The following PTPRD variants were observed in gnomAD, a reference collection of about 807,000 sequenced individuals.
PTPRD encodes receptor-type tyrosine-protein phosphatase delta.
In PTPRD, 34 loss-of-function variants were observed where a neutral mutation model predicts 214.5. The ratio of observed to expected loss-of-function variants is 0.16; its 90% CI spans 0.12 to 0.21. The LOEUF (loss-of-function observed/expected upper bound fraction) is 0.21. Ranked by LOEUF, PTPRD falls within the 10% of genes least tolerant of loss-of-function variation. The probability of loss-of-function intolerance (pLI) is 1.00; values close to 1 mark genes in which losing one functional copy is unlikely to be tolerated. For missense variants in PTPRD, 2,545 were observed against 2,398.7 expected, an observed-to-expected ratio of 1.06 and a Z score of -1.27; for synonymous variants, 1,128 against 845.7, an observed-to-expected ratio of 1.33 and a Z score of -5.79.
chr9:8,977,575 A>T (rs1038100600), intron 11 of PTPRD, among the ~76,000 whole-genome samples: 5 of 151,818 alleles, frequency 3.3e-5, no homozygotes, highest in Non-Finnish European at 7.4e-5. Flanking sequence ...TGAACCCTCG[A>T]GGTTTTGTTT....
chr9:9,699,338 C>T (rs76216420), intron 7 of PTPRD, among the ~76,000 whole-genome samples: 18,290 of 151,994 alleles, frequency 0.12, 1,472 homozygotes, highest in Middle Eastern at 0.28. Context: ...AAATTACTAA[C>T]CACCATTATC....
chr9:8,909,226 A>G (rs1430499869), intron 11 of PTPRD, among the ~76,000 whole-genome samples: 2 of 152,068 alleles, frequency 1.3e-5, no homozygotes, highest in Non-Finnish European at 2.9e-5. Context: ...TCCTTCAGAA[A>G]ATAGAAGACA....
At chr9:9,198,428 A>G (rs1471928305) in intron 9 of PTPRD, among the ~76,000 whole-genome samples, 1 of 151,430 alleles carries the variant, frequency 6.6e-6, no homozygotes, top group African/African-American at 2.4e-5. Context: ...TCTTTTATTC[A>G]TTTACTTAAC....
chr9:9,246,553 C>T (rs1485810215), intron 9 of PTPRD, among the ~76,000 whole-genome samples: 1 of 152,060 alleles, frequency 6.6e-6, no homozygotes, highest in Non-Finnish European at 1.5e-5. Context: ...AACTGGCTAT[C>T]CCCCAGACTC....
chr9:9,364,792 G>A (rs1399360499), intron 9 of PTPRD, among the ~76,000 whole-genome samples: 1 of 151,464 alleles, frequency 6.6e-6, no homozygotes, highest in Non-Finnish European at 1.5e-5. Flanking sequence ...TTTGAGGTGA[G>A]GAGTGATGTG....
At position 10,202,105 on chromosome 9, in the gene PTPRD, A is replaced by G. The variant is rs182526167; in HGVS notation, c.-545+138858T>C. Reference sequence around the variant, plus strand: ...GTTTAGGCTGAGAAAGAGAAGCTCAATGAAGTAAATGGTAGCTGCCCTCAA... The same window carrying G: ...GTTTAGGCTGAGAAAGAGAAGCTCAGTGAAGTAAATGGTAGCTGCCCTCAA... On this transcript the variant is annotated intron_variant, in intron 3 of 45. Coordinates refer to ENST00000381196, the MANE Select transcript of PTPRD (RefSeq NM_002839.4). Among the ~76,000 whole-genome samples, 6 of 152,248 alleles carry G rather than the reference A, an allele frequency of 3.9e-5. No individual in the cohort carries two copies. The East Asian group carries it at 5.8e-4, about 15-fold the overall frequency.
intron 3 of PTPRD, among the ~76,000 whole-genome samples, chr9:10,248,415 G>A (rs2092408293): frequency 6.7e-6 from 1 of 149,922 alleles, no homozygotes; most frequent in East Asian, 2.0e-4. Context: ...TAGGGAATGG[G>A]CGAAAATGAG....
chr9:8,381,002 G>C (rs1387568306), intron 37 of PTPRD, among the ~76,000 whole-genome samples: 1 of 152,120 alleles, frequency 6.6e-6, no homozygotes, highest in African/African-American at 2.4e-5. Flanking sequence ...ACCTTGAAAG[G>C]GTTCTAGCAT....
intron 11 of PTPRD, among the ~76,000 whole-genome samples, chr9:8,891,926 T>C (rs935844990): frequency 5.3e-5 from 8 of 152,168 alleles, no homozygotes; most frequent in African/African-American, 1.4e-4. Flanking sequence ...TATCTCTGCT[T>C]TTCTGAGTGG....
intron 3 of PTPRD, among the ~76,000 whole-genome samples, chr9:10,273,358 T>C (rs10809054): frequency 0.6 from 90,595 of 151,916 alleles, 28,266 homozygotes; most frequent in Non-Finnish European, 0.7. Context: ...GTGAAGAATA[T>C]ATTTTTCCAA....
intron 9 of PTPRD, among the ~76,000 whole-genome samples, chr9:9,255,512 T>C (rs540161939): frequency 8.5e-5 from 13 of 152,144 alleles, no homozygotes; most frequent in African/African-American, 3.1e-4. Context: ...AATCTCACGA[T>C]GCAATTCTAA....
chr9:9,836,215 G>T (rs563166710), intron 5 of PTPRD, among the ~76,000 whole-genome samples: 2 of 152,162 alleles, frequency 1.3e-5, no homozygotes, highest in African/African-American at 4.8e-5. Context: ...ACATCCTAGA[G>T]TAGCCCCAGA....
rs530225945 is a variant in PTPRD, at chr9:9,418,863, G to A, written c.-236-21381C>T. On this transcript the variant is annotated intron_variant, in intron 8 of 45. Transcript: ENST00000381196. ...GAGAAGAAATGATTAATTTTGCATGGAACTTCAAAAGGATATGTGCTAGAA... is the reference window on the plus strand; with the variant it reads ...GAGAAGAAATGATTAATTTTGCATGAAACTTCAAAAGGATATGTGCTAGAA... Among the ~76,000 whole-genome samples the A allele has an allele frequency of 4.7e-4, 71 of 151,996 alleles. 1 individual carries two copies. The highest frequency in any genetic ancestry group is 5.0e-4 in the Non-Finnish European group (34 of 67,848).
chr9:10,184,655 C>T (rs2099320388), intron 3 of PTPRD, among the ~76,000 whole-genome samples: 1 of 152,142 alleles, frequency 6.6e-6, no homozygotes, highest in Non-Finnish European at 1.5e-5. Context: ...CTGGTAAGAA[C>T]CATCATACTC....
chr9:9,467,976 A>T (rs931591528), intron 8 of PTPRD, among the ~76,000 whole-genome samples: 1 of 152,100 alleles, frequency 6.6e-6, no homozygotes, highest in Non-Finnish European at 1.5e-5. Flanking sequence ...TAATTGTCCA[A>T]CTTTACTATT....
chr9:10,251,092 T>C (rs978109492), intron 3 of PTPRD, among the ~76,000 whole-genome samples: 22 of 152,128 alleles, frequency 1.4e-4, no homozygotes, highest in Non-Finnish European at 2.6e-4. Context: ...ATTGTCCATA[T>C]AGCAATATCA....
intron 9 of PTPRD, among the ~76,000 whole-genome samples, chr9:9,267,676 T>A (rs1477663307): frequency 2.0e-5 from 3 of 151,368 alleles, no homozygotes; most frequent in Non-Finnish European, 3.0e-5. Flanking sequence ...AAGGATCATA[T>A]ACCATGATCA....
chr9:9,308,896 T>G (rs998161094), intron 9 of PTPRD, among the ~76,000 whole-genome samples: 1 of 152,138 alleles, frequency 6.6e-6, no homozygotes. Flanking sequence ...TCATTACATG[T>G]TATTTAAAGC....
At position 8,726,589 on chromosome 9, in the gene PTPRD, ATATATATATATATATATATATAT is replaced by A. The variant is rs1236454351; in HGVS notation, c.64+7168_64+7190del. 6.3e-3 allele frequency among the ~76,000 whole-genome samples: 81 copies of A among 12,916 alleles called. 25 individuals carry two copies. Among genetic ancestry groups the A allele is most frequent in the African/African-American group, 0.02 (50 of 2,554 alleles). The allele number at this position is 12,916 out of a possible 152,430, so 8.5% of individuals were successfully genotyped here. On this transcript the variant is annotated intron_variant, in intron 12 of 45. Transcript: ENST00000381196. ...TCTACTAAAAAAAAAAAAAAAAAAA[ATATATATATATATATATATATAT>A]ATATATATATATATATATATATATA...
Sources: allele counts gnomAD v4.1 joint callset (sites outside exome capture counted in the v4.1 genomes callset), GRCh38; gene constraint gnomAD v4.1.1; transcripts MANE v1.5; gene names NCBI Gene and HGNC (gene_info 2026-07-23, HGNC 2026-07-21).